The following NOCT variants were observed in gnomAD, a reference collection of about 807,000 sequenced individuals.
The protein encoded by NOCT is CCR4 carbon catabolite repression 4-like.
In NOCT, 18 loss-of-function variants were observed where a neutral mutation model predicts 35.0. The observed-to-expected ratio is 0.51, with a 90% CI of 0.36 to 0.76. The LOEUF is 0.76. Among genes scored for constraint, NOCT ranks in the 30% least tolerant of loss-of-function variants. NOCT has a pLI of 0.01. For missense variants in NOCT, 479 were observed against 541.0 expected (o/e 0.89, Z 1.14); for synonymous variants, 235 against 226.3 (o/e 1.04, Z -0.34).
In NOCT at chr4:139,044,722, G is replaced by A; in HGVS notation, c.544G>A (p.Glu182Lys). 1 of 1,614,168 alleles carries A rather than the reference G, an allele frequency of 6.2e-7. No homozygotes were observed. Among genetic ancestry groups the A allele is most frequent in the Non-Finnish European group, 8.5e-7 (1 of 1,180,008 alleles). ...AGAAAGGAAATGTCTCATCCTGGAA[G>A]AAATCCTGGCCTACCAGCCTGATAT... ...WEERKCLILEEILAYQPDILC... is the reference protein window; with the variant it reads ...WEERKCLILEKILAYQPDILC... The change falls in exon 3 of 3, where the codon GAA becomes AAA. Residue 182 changes from glutamate (E) to lysine (K), a missense_variant. By Grantham distance (56) the Glu-to-Lys change is moderately conservative. This residue lies in a region of NOCT where 265 missense variants were observed against 257.0 expected (regional missense o/e 1.03). Coordinates refer to ENST00000280614, the MANE Select transcript of NOCT (RefSeq NM_012118.4).
At chr4:139,021,979 G>A (rs775178049) in intron 1 of NOCT, among the ~76,000 whole-genome samples, 3 of 151,910 alleles carry the variant, frequency 2.0e-5, no homozygotes, top group South Asian at 4.2e-4. Flanking sequence ...GGCTCCTCTC[G>A]AACTCCTGAC....
intron 1 of NOCT, among the ~76,000 whole-genome samples, chr4:139,035,353 C>G (rs1726711817): frequency 6.6e-6 from 1 of 152,096 alleles, no homozygotes; most frequent in African/African-American, 2.4e-5. Context: ...CCAGGCTGGT[C>G]TCAAACTCCT....
In NOCT at chr4:139,016,019, T is replaced by A; in HGVS notation, c.38T>A (p.Leu13Gln). The A allele has an allele frequency of 7.2e-7, 1 of 1,398,058 alleles. No individual in the cohort carries two copies. Among genetic ancestry groups the A allele is most frequent in the Admixed American group, 2.9e-5 (1 of 33,968 alleles). The allele number at this position is 1,398,058 out of a possible 1,614,324, so 86.6% of individuals were successfully genotyped here. A position where few individuals can be genotyped will look rare whatever the true frequency, so the allele number is the denominator to read the frequency against. Residue 13 changes from leucine to glutamine, a missense_variant, in exon 1 of 3, where the codon CTG (leucine) becomes CAG (glutamine). By Grantham distance (113) the Leu-to-Gln change is moderately radical. Coordinates refer to ENST00000280614, the MANE Select transcript of NOCT (RefSeq NM_012118.4). ...HSPRRLCSAL[L>Q]QRDAPGLRRL... is the part of the protein sequence containing the mutation. ...CCGCGGCGGCTCTGCTCGGCCCTGC[T>A]GCAGAGGGACGCGCCCGGCCTGCGC...
chr4:139,019,118 C>T (rs1726365308), intron 1 of NOCT, among the ~76,000 whole-genome samples: 1 of 152,092 alleles, frequency 6.6e-6, no homozygotes, highest in African/African-American at 2.4e-5. Flanking sequence ...TGTAGTGGCG[C>T]CACCTCTGCT....
chr4:139,015,813 C>G lies in NOCT; in HGVS notation c.-169C>G, dbSNP rs192413106. The stretch of plus-strand genomic sequence containing the variant: ...GCCGACGCAGCGGTGTTGCACCTCC[C>G]TCTCCGGCTCTGCTGCCCGGGATTT... On this transcript the variant is annotated 5_prime_UTR_variant, in exon 1 of 3. Transcript: ENST00000280614. The G allele has an allele frequency of 1.7e-4, 76 of 459,030 alleles. No homozygotes were observed. The East Asian group carries it at 2.0e-3, about 12-fold the overall frequency. 28.4% of individuals were successfully genotyped at this position (459,030 alleles called of 1,614,324 possible).
At chr4:139,033,028 G>A (rs112476951) in intron 1 of NOCT, among the ~76,000 whole-genome samples, 10,466 of 151,866 alleles carry the variant, frequency 0.069, 505 homozygotes, top group Middle Eastern at 0.12. Context: ...TCGCGCCACT[G>A]CACTCCAGGC....
intron 1 of NOCT, among the ~76,000 whole-genome samples, chr4:139,038,777 A>G (rs993828246): frequency 1.3e-5 from 2 of 152,170 alleles, no homozygotes; most frequent in African/African-American, 4.8e-5. Flanking sequence ...GTTGGGCCAT[A>G]TAGCCATTAC....
At chr4:139,040,630 A>G (rs1304139920) in intron 1 of NOCT, among the ~76,000 whole-genome samples, 1 of 152,218 alleles carries the variant, frequency 6.6e-6, no homozygotes, top group African/African-American at 2.4e-5. Flanking sequence ...CTTGGCAAAG[A>G]TAAAATGTCA....
intron 1 of NOCT, 45 bp downstream of exon 1, chr4:139,016,216 C>G: frequency 1.7e-6 from 2 of 1,178,486 alleles, no homozygotes; most frequent in Non-Finnish European, 2.1e-6. Flanking sequence ...CGGCCGCCAA[C>G]GCGCGGCCGC....
intron 1 of NOCT, among the ~76,000 whole-genome samples, chr4:139,037,281 A>G (rs1726753454): frequency 6.6e-6 from 1 of 152,232 alleles, no homozygotes; most frequent in African/African-American, 2.4e-5. Flanking sequence ...ACAGTGAAAC[A>G]AGTACAAAAG....
At chr4:139,027,709 A>G (rs962482221) in intron 1 of NOCT, among the ~76,000 whole-genome samples, 1 of 152,126 alleles carries the variant, frequency 6.6e-6, no homozygotes, top group Admixed American at 6.6e-5. Flanking sequence ...TGTGTTAGCC[A>G]GGATGATCTC....
intron 1 of NOCT, among the ~76,000 whole-genome samples, chr4:139,036,344 C>T (rs1477646986): frequency 6.6e-6 from 1 of 152,166 alleles, no homozygotes; most frequent in Admixed American, 6.5e-5. Context: ...AGCCTCCTGC[C>T]TCAGCCTCCT....
chr4:139,043,991 T>TAC (rs1726888089), intron 2 of NOCT: 1 of 147,670 alleles, frequency 6.8e-6, no homozygotes, highest in South Asian at 2.1e-4. Context: ...TATATATATA[T>TAC]ATATATATAT....
rs386401662 is a variant in NOCT, at chr4:139,042,072, T to TTTTTG, written c.191-998_191-997insGTTTT. On this transcript the variant is annotated intron_variant, in intron 1 of 2. Coordinates refer to ENST00000280614, the MANE Select transcript of NOCT (RefSeq NM_012118.4). ...TTTTTACAAACTAGTCTTTAAGATC[T>TTTTTG]TTTTTTTTTTTTTTTTTTTGAGTCT... Among the ~76,000 whole-genome samples the TTTTTG allele has an allele frequency of 3.7e-3, 59 of 16,004 alleles. No individual in the cohort carries two copies. In the Admixed American group the frequency reaches 0.052, roughly 14 times the overall value. The allele number at this position is 16,004 out of a possible 152,430, so 10.5% of individuals were successfully genotyped here. A position where few individuals can be genotyped will look rare whatever the true frequency, so the allele number is the denominator to read the frequency against.
intron 1 of NOCT, among the ~76,000 whole-genome samples, chr4:139,024,903 C>T (rs1726484578): frequency 6.6e-6 from 1 of 152,220 alleles, no homozygotes; most frequent in African/African-American, 2.4e-5. Flanking sequence ...CGCGCCCAGC[C>T]AGTTTTGCAT....
At chr4:139,028,067 G>A (rs567116697) in intron 1 of NOCT, 1 of 152,258 alleles carries the variant, frequency 6.6e-6, no homozygotes, top group Non-Finnish European at 1.5e-5. Context: ...ATTTTTCCAA[G>A]TGTCCCAGAA....
chr4:139,031,337 G>C (rs747334533), intron 1 of NOCT, among the ~76,000 whole-genome samples: 1 of 152,036 alleles, frequency 6.6e-6, no homozygotes, highest in Non-Finnish European at 1.5e-5. Context: ...TTTTAGTAGA[G>C]ACGGGGTTTC....
At chr4:139,036,480 T>G (rs1361706614) in intron 1 of NOCT, among the ~76,000 whole-genome samples, 1 of 152,200 alleles carries the variant, frequency 6.6e-6, no homozygotes, top group African/African-American at 2.4e-5. Context: ...TGGCTACCCA[T>G]GATGGACCAA....
rs183000483 is a variant in NOCT at position 139,026,703 on chromosome 4, G to A, written c.190+10532G>A. ...GTATCTGGGATTACAGGTGCCCACC[G>A]TCACACCCAACTAATTTTTGTATTT... On this transcript the variant is annotated intron_variant, in intron 1 of 2. Transcript: ENST00000280614. 4.5e-3 allele frequency among the ~76,000 whole-genome samples: 675 copies of A among 150,554 alleles called. 9 individuals carry two copies. Among genetic ancestry groups the A allele is most frequent in the African/African-American group, 0.016 (639 of 40,986 alleles).
Sources: gnomAD v4.1 joint callset for allele counts (sites outside exome capture counted in the v4.1 genomes callset) on GRCh38, gnomAD v4.1.1 for gene constraint, gnomAD v4.1.1 regional missense constraint, MANE v1.5 for transcripts, NCBI Gene and HGNC (gene_info 2026-07-23, HGNC 2026-07-21) for gene names.